Variants in CADM2 observed in about 807,000 individuals in gnomAD.
CADM2 encodes the protein cell adhesion molecule 2.
In CADM2, 12 loss-of-function variants were observed where a neutral mutation model predicts 49.8. The observed-to-expected ratio is 0.24, with a 90% CI of 0.15 to 0.39. CADM2 has a LOEUF of 0.39. CADM2 is among the 10% of genes least tolerant of loss of function. The pLI, the probability that CADM2 is intolerant of heterozygous loss-of-function variation, is 1.00. For missense variants in CADM2, 378 were observed against 492.3 expected, an observed-to-expected ratio of 0.77 and a Z score of 2.20; for synonymous variants, 214 against 175.4, an observed-to-expected ratio of 1.22 and a Z score of -1.74.
chr3:85,438,796 C>T (rs1207164091), intron 1 of CADM2, among the ~76,000 whole-genome samples: 2 of 152,030 alleles, frequency 1.3e-5, no homozygotes, highest in African/African-American at 4.8e-5. Context: ...CTTCAGCCTC[C>T]CAAGTGTCTG....
intron 1 of CADM2, among the ~76,000 whole-genome samples, chr3:85,210,674 G>A (rs1162350498): frequency 6.6e-6 from 1 of 151,944 alleles, no homozygotes; most frequent in African/African-American, 2.4e-5. Context: ...CGGAGTAGCT[G>A]GGACTGCAGG....
At chr3:85,354,402 T>C (rs1306376865) in intron 1 of CADM2, among the ~76,000 whole-genome samples, 2 of 150,376 alleles carry the variant, frequency 1.3e-5, no homozygotes, top group Non-Finnish European at 3.0e-5. Flanking sequence ...CACCTAATGC[T>C]AAATGACGAG....
chr3:85,873,096 T>C (rs1267286853), intron 3 of CADM2, among the ~76,000 whole-genome samples: 2 of 152,124 alleles, frequency 1.3e-5, no homozygotes, highest in Non-Finnish European at 2.9e-5. Context: ...TTCCCAAAAC[T>C]TCTTTGTTAA....
chr3:86,054,139 A>G (rs1737647468), intron 8 of CADM2, among the ~76,000 whole-genome samples: 1 of 152,002 alleles, frequency 6.6e-6, no homozygotes, highest in Admixed American at 6.6e-5. Context: ...TTTAAGCTTA[A>G]TATTTTAATA....
intron 3 of CADM2, among the ~76,000 whole-genome samples, chr3:85,882,038 C>T (rs1712872242): frequency 6.6e-6 from 1 of 152,072 alleles, no homozygotes; most frequent in Admixed American, 6.5e-5. Flanking sequence ...TGACCCAGTT[C>T]CTAACAGACT....
chr3:85,833,341 G>A (rs571926002), intron 3 of CADM2, among the ~76,000 whole-genome samples: 70 of 151,702 alleles, frequency 4.6e-4, no homozygotes, highest in African/African-American at 1.7e-3. Context: ...GGTGATGCTG[G>A]CTTCATAGAA....
chr3:85,667,244 G>A (rs559071456), intron 1 of CADM2, among the ~76,000 whole-genome samples: 17 of 151,724 alleles, frequency 1.1e-4, no homozygotes, highest in East Asian at 3.9e-4. Context: ...TAAACTCTTC[G>A]GTAGCCATTT....
intron 5 of CADM2, among the ~76,000 whole-genome samples, chr3:85,897,574 T>C (rs181453289): frequency 6.2e-4 from 95 of 152,014 alleles, no homozygotes; most frequent in Non-Finnish European, 1.2e-3. Context: ...CGGCCTAACC[T>C]ACATCTTAGT....
intron 8 of CADM2, among the ~76,000 whole-genome samples, chr3:85,997,422 G>A (rs1006546263): frequency 6.6e-6 from 1 of 152,080 alleles, no homozygotes; most frequent in Non-Finnish European, 1.5e-5. Context: ...CTACAAATTT[G>A]TAGTAATCTC....
At chr3:85,061,332 G>T (rs2107444146) in intron 1 of CADM2, among the ~76,000 whole-genome samples, 1 of 152,194 alleles carries the variant, frequency 6.6e-6, no homozygotes, top group South Asian at 2.1e-4. Flanking sequence ...TGGCAAGGAT[G>T]CATGCAAATG....
At chr3:85,224,540 A>T (rs1429563009) in intron 1 of CADM2, among the ~76,000 whole-genome samples, 3 of 152,138 alleles carry the variant, frequency 2.0e-5, no homozygotes, top group Non-Finnish European at 4.4e-5. Context: ...ATGTTCTCCC[A>T]TTCTGTAGGT....
chr3:85,709,075 T>C (rs1291008842), intron 1 of CADM2, among the ~76,000 whole-genome samples: 1 of 152,120 alleles, frequency 6.6e-6, no homozygotes, highest in Non-Finnish European at 1.5e-5. Flanking sequence ...ATAAAATCTG[T>C]TTATTATCGT....
At chr3:85,946,241 C>T (rs1489367102) in intron 7 of CADM2, among the ~76,000 whole-genome samples, 15 of 151,706 alleles carry the variant, frequency 9.9e-5, no homozygotes, top group South Asian at 4.2e-4. Context: ...AGGACCTCTT[C>T]AAGGAGAACT....
chr3:85,103,564 A>T (rs1302814988), intron 1 of CADM2, among the ~76,000 whole-genome samples: 3 of 152,222 alleles, frequency 2.0e-5, no homozygotes, highest in Non-Finnish European at 4.4e-5. Context: ...AAATGTAATA[A>T]TGGAGGCACA....
At chr3:85,724,751 C>G (rs140963241) in intron 1 of CADM2, among the ~76,000 whole-genome samples, 36 of 151,726 alleles carry the variant, frequency 2.4e-4, no homozygotes, top group African/African-American at 5.8e-4. Flanking sequence ...CATTGATTAT[C>G]TCAGTTGCTG....
At chr3:85,821,811 A>G (rs1006521114) in intron 3 of CADM2, among the ~76,000 whole-genome samples, 2 of 152,202 alleles carry the variant, frequency 1.3e-5, no homozygotes, top group Non-Finnish European at 2.9e-5. Flanking sequence ...ATGAATTACT[A>G]TAAAACAAAA....
intron 1 of CADM2, among the ~76,000 whole-genome samples, chr3:85,082,591 T>C (rs546299939): frequency 3.3e-5 from 5 of 152,258 alleles, no homozygotes; most frequent in Non-Finnish European, 7.4e-5. Context: ...AATACATTTC[T>C]TGACCTGTGA....
Position 85,152,975 on chromosome 3 carries a change from A to G in CADM2, c.61+193307A>G, listed in dbSNP as rs541878438. 9.6e-4 allele frequency among the ~76,000 whole-genome samples: 146 copies of G among 151,616 alleles called. 2 individuals carry two copies. The South Asian group carries it at 0.03, about 32-fold the overall frequency. On this transcript the variant is annotated intron_variant, in intron 1 of 9. Coordinates refer to ENST00000383699, the MANE Select transcript of CADM2 (RefSeq NM_001167675.2). ...CAAGACTCCATCTCAAAAAAAAAAA[A>G]AAATGTAAAAAAAAAATCTTTCAAT... is the stretch of plus-strand genomic sequence containing the variant.
chr3:84,962,716 G>T lies in CADM2; in HGVS notation c.61+3048G>T, dbSNP rs559625543. ...TAGCTTCTTTTTTTTAGCTTTATCAGCACTATAGTGATATTCACTTAAGTA... is the reference window on the plus strand; with the variant it reads ...TAGCTTCTTTTTTTTAGCTTTATCATCACTATAGTGATATTCACTTAAGTA... On this transcript the variant is annotated intron_variant, in intron 1 of 9. Coordinates refer to ENST00000383699, the MANE Select transcript of CADM2 (RefSeq NM_001167675.2). Among the ~76,000 whole-genome samples, 6 of 152,074 alleles carry T rather than the reference G, an allele frequency of 3.9e-5. No individual in the cohort carries two copies. The South Asian group carries it at 1.0e-3, about 26-fold the overall frequency.
Sources: gnomAD v4.1 joint callset for allele counts (sites outside exome capture counted in the v4.1 genomes callset) on GRCh38, gnomAD v4.1.1 for gene constraint, MANE v1.5 for transcripts, NCBI Gene and HGNC (gene_info 2026-07-23, HGNC 2026-07-21) for gene names.